The following SIPA1L3 variants were observed in gnomAD, a reference collection of about 807,000 sequenced individuals.
SIPA1L3 encodes the protein signal-induced proliferation-associated 1-like protein 3.
Under a neutral mutation model 150.1 loss-of-function variants are expected in SIPA1L3, and 59 were observed. The ratio of observed to expected loss-of-function variants is 0.39; its 90% CI spans 0.32 to 0.49. The LOEUF (loss-of-function observed/expected upper bound fraction) is 0.49, where lower values mean the gene tolerates loss of function less well. Ranked by LOEUF, SIPA1L3 falls within the 20% of genes least tolerant of loss-of-function variation. The probability of loss-of-function intolerance (pLI) is 0.86; values close to 1 mark genes in which losing one functional copy is unlikely to be tolerated. For synonymous variants in SIPA1L3, 1,070 were observed against 1,077.6 expected (o/e 0.99, Z 0.14); for missense variants, 2,211 against 2,489.5 (o/e 0.89, Z 2.38).
intron 15 of SIPA1L3, among the ~76,000 whole-genome samples, chr19:38,167,479 A>G (rs1420049948): frequency 6.6e-6 from 1 of 152,124 alleles, no homozygotes; most frequent in Non-Finnish European, 1.5e-5. Context: ...GAGCCAGGAG[A>G]AGGGCTGAAG....
chr19:38,105,684 T>G (rs1254139356), intron 6 of SIPA1L3, among the ~76,000 whole-genome samples: 1 of 152,258 alleles, frequency 6.6e-6, no homozygotes, highest in Non-Finnish European at 1.5e-5. Context: ...CTGTGTGTGC[T>G]GCTTTGTGTC....
chr19:37,999,908 G>A (rs1184001614), intron 1 of SIPA1L3, among the ~76,000 whole-genome samples: 1 of 152,170 alleles, frequency 6.6e-6, no homozygotes, highest in Non-Finnish European at 1.5e-5. Flanking sequence ...GGGGAAAGAA[G>A]GTACCTGGGG....
intron 1 of SIPA1L3, among the ~76,000 whole-genome samples, chr19:37,987,444 T>C (rs1472973375): frequency 6.6e-6 from 1 of 152,224 alleles, no homozygotes; most frequent in Admixed American, 6.5e-5. Flanking sequence ...CCTGACGCTG[T>C]TGACCTTTGG....
At chr19:37,999,012 C>CA (rs1491182760) in intron 1 of SIPA1L3, among the ~76,000 whole-genome samples, 5 of 149,218 alleles carry the variant, frequency 3.4e-5, no homozygotes, top group South Asian at 2.1e-4. Context: ...CACACACACA[C>CA]CCACACACAC....
chr19:38,034,308 G>A (rs1362019009), intron 2 of SIPA1L3, among the ~76,000 whole-genome samples: 15 of 152,190 alleles, frequency 9.9e-5, no homozygotes. Flanking sequence ...GCCAAGCCCT[G>A]CCGTAAGCGC....
At chr19:38,058,686 G>T (rs1969382084) in intron 2 of SIPA1L3, among the ~76,000 whole-genome samples, 1 of 152,146 alleles carries the variant, frequency 6.6e-6, no homozygotes, top group Non-Finnish European at 1.5e-5. Context: ...TGGCACAGAG[G>T]GTGATCAAAC....
chr19:37,981,026 C>T (rs1388281293), intron 1 of SIPA1L3, among the ~76,000 whole-genome samples: 2 of 152,150 alleles, frequency 1.3e-5, no homozygotes, highest in African/African-American at 2.4e-5. Flanking sequence ...ATGCATACAC[C>T]GTGCTCAGTT....
At chr19:37,914,554 T>A (rs867609401) in intron 1 of SIPA1L3, among the ~76,000 whole-genome samples, 1 of 151,902 alleles carries the variant, frequency 6.6e-6, no homozygotes, top group Admixed American at 6.6e-5. Context: ...TTGGTACTTT[T>A]AATAGAGGAG....
At chr19:37,979,268 G>A (rs1018827615) in intron 1 of SIPA1L3, among the ~76,000 whole-genome samples, 2 of 152,142 alleles carry the variant, frequency 1.3e-5, no homozygotes, top group East Asian at 1.9e-4. Flanking sequence ...TTTAGGTTTC[G>A]CCAGGCACAG....
intron 16 of SIPA1L3, among the ~76,000 whole-genome samples, chr19:38,191,179 G>A (rs903651702): frequency 6.6e-6 from 1 of 152,072 alleles, no homozygotes; most frequent in Non-Finnish European, 1.5e-5. Context: ...GGCTGAGGCG[G>A]AAGGATCGCT....
chr19:37,928,101 C>G (rs1055321720), intron 1 of SIPA1L3, among the ~76,000 whole-genome samples: 3 of 152,036 alleles, frequency 2.0e-5, no homozygotes, highest in Non-Finnish European at 2.9e-5. Flanking sequence ...CTGGGTCGAA[C>G]GGTAATTCTA....
chr19:38,171,268 A>G (rs968785195), intron 15 of SIPA1L3, among the ~76,000 whole-genome samples: 2 of 152,006 alleles, frequency 1.3e-5, no homozygotes, highest in Non-Finnish European at 2.9e-5. Context: ...GGCTGGGCAC[A>G]GTGGCTCATG....
chr19:38,151,313 G>A (rs1971817616), intron 12 of SIPA1L3, among the ~76,000 whole-genome samples: 1 of 152,198 alleles, frequency 6.6e-6, no homozygotes, highest in Non-Finnish European at 1.5e-5. Flanking sequence ...CAGCCCCTCC[G>A]CAGTTCCACT....
chr19:38,009,218 C>T (rs1361611801), intron 1 of SIPA1L3, among the ~76,000 whole-genome samples: 3 of 152,038 alleles, frequency 2.0e-5, no homozygotes, highest in South Asian at 4.1e-4. Flanking sequence ...CGGGGTTTCA[C>T]CACGTTGGTC....
intron 1 of SIPA1L3, among the ~76,000 whole-genome samples, chr19:38,021,366 G>T (rs140872868): frequency 1.3e-5 from 2 of 152,120 alleles, no homozygotes; most frequent in Non-Finnish European, 1.5e-5. Flanking sequence ...CCCTCTTGCC[G>T]CCATGGCCTT....
intron 18 of SIPA1L3, among the ~76,000 whole-genome samples, chr19:38,195,210 A>G (rs1466977512): frequency 6.6e-6 from 1 of 152,036 alleles, no homozygotes; most frequent in Non-Finnish European, 1.5e-5. Context: ...GGCATCCTGC[A>G]CGGCTGTTCT....
intron 1 of SIPA1L3, among the ~76,000 whole-genome samples, chr19:38,027,906 A>T (rs1968550337): frequency 6.6e-6 from 1 of 152,106 alleles, no homozygotes; most frequent in South Asian, 2.1e-4. Flanking sequence ...CTCATCTGTA[A>T]CATGAAAGTA....
chr19:38,006,531 C>T (rs1967942414), intron 1 of SIPA1L3, among the ~76,000 whole-genome samples: 1 of 152,176 alleles, frequency 6.6e-6, no homozygotes, highest in South Asian at 2.1e-4. Flanking sequence ...ACAGGAAATG[C>T]GTCTCAGACA....
chr19:37,922,487 G>A (rs1347527164), intron 1 of SIPA1L3, among the ~76,000 whole-genome samples: 5 of 151,732 alleles, frequency 3.3e-5, no homozygotes, highest in Admixed American at 1.3e-4. Context: ...TCCATCTCCC[G>A]GGTTCCAGCG....
Sources: allele counts gnomAD v4.1 joint callset (sites outside exome capture counted in the v4.1 genomes callset), GRCh38; gene constraint gnomAD v4.1.1; transcripts MANE v1.5; gene names NCBI Gene and HGNC (gene_info 2026-07-23, HGNC 2026-07-21).